The following SLC9A8 variants were observed in gnomAD, a reference collection of about 807,000 sequenced individuals.
SLC9A8 encodes the protein solute carrier family 9 member A8, also known as sodium/hydrogen exchanger 8.
SLC9A8 carries 48 observed loss-of-function variants against 66.6 expected under a neutral mutation model. The ratio of observed to expected loss-of-function variants is 0.72; its 90% confidence interval spans 0.57 to 0.92. The LOEUF is 0.92. SLC9A8 is among the 40% of genes least tolerant of loss of function. The pLI is 0.00. For synonymous variants in SLC9A8, 274 were observed against 282.6 expected, an observed-to-expected ratio of 0.97 and a Z score of 0.31; for missense variants, 599 against 747.3, an observed-to-expected ratio of 0.80 and a Z score of 2.31.
intron 10 of SLC9A8, among the ~76,000 whole-genome samples, chr20:49,865,156 G>A (rs902587764): frequency 6.6e-6 from 1 of 152,290 alleles, no homozygotes; most frequent in East Asian, 1.9e-4. Flanking sequence ...TACTGTGAAG[G>A]TCCCTGTTTT....
At chr20:49,868,785 C>T (rs138599424) in intron 10 of SLC9A8, among the ~76,000 whole-genome samples, 25 of 152,226 alleles carry the variant, frequency 1.6e-4, no homozygotes, top group African/African-American at 5.3e-4. Flanking sequence ...GAGTGGGGAG[C>T]GATGCAAGTG....
intron 15 of SLC9A8, 33 bp from the exon 16 acceptor site, chr20:49,887,789 CCCTGACG>C (rs1432754570): frequency 6.7e-7 from 1 of 1,495,116 alleles, no homozygotes; most frequent in Admixed American, 1.9e-5. Flanking sequence ...ATGGCCCTGC[CCCTGACG>C]CCCTGACGGC....
intron 7 of SLC9A8, among the ~76,000 whole-genome samples, chr20:49,851,244 C>T (rs755266824): frequency 6.6e-6 from 1 of 152,192 alleles, no homozygotes; most frequent in Non-Finnish European, 1.5e-5. Context: ...AAACTTTCCT[C>T]TGGGATTCCC....
Position 49,834,333 on chromosome 20 carries a change from G to GTA in SLC9A8, c.290-5195_290-5194dup, listed in dbSNP as rs1229882653. On this transcript the variant is annotated intron_variant, in intron 3 of 15. Transcript: ENST00000361573. The stretch of plus-strand genomic sequence containing the variant: ...CAGTGTGTATATATATATATACTGT[G>GTA]TATATATATATATACTGTATATATA... Among the ~76,000 whole-genome samples the GTA allele has an allele frequency of 4.0e-4, 32 of 80,308 alleles. 1 individual carries two copies. The East Asian group carries it at 5.3e-3, about 13-fold the overall frequency. The allele number at this position is 80,308 out of a possible 152,430, so 52.7% of individuals were successfully genotyped here. A position where few individuals can be genotyped will look rare whatever the true frequency, so the allele number is the denominator to read the frequency against.
chr20:49,874,982 T>C (rs2089368579), intron 11 of SLC9A8, among the ~76,000 whole-genome samples, 161 bp downstream of exon 11: 1 of 152,170 alleles, frequency 6.6e-6, no homozygotes, highest in South Asian at 2.1e-4. Context: ...TCCTCTGGCT[T>C]TGAAATTTCA....
chr20:49,892,042 C>A lies in SLC9A8; in HGVS notation c.*4106C>A, dbSNP rs1420282983. The A allele has an allele frequency of 2.0e-5, 3 of 151,408 alleles. No homozygotes were observed. The highest frequency in any genetic ancestry group is 4.4e-5 in the Non-Finnish European group (3 of 67,880). The allele number at this position is 151,408 out of a possible 1,614,324, so 9.4% of individuals were successfully genotyped here. A position where few individuals can be genotyped will look rare whatever the true frequency, so the allele number is the denominator to read the frequency against. On this transcript the variant is annotated 3_prime_UTR_variant, in exon 16 of 16. Coordinates refer to ENST00000361573, the MANE Select transcript of SLC9A8 (RefSeq NM_015266.3). ...AGAGGCCCCTGTTAGGCCCCTGTTTCCTGAGCAGTGATGTGCTGCTCTTCT... is the reference window on the plus strand; with the variant it reads ...AGAGGCCCCTGTTAGGCCCCTGTTTACTGAGCAGTGATGTGCTGCTCTTCT...
Position 49,888,493 on chromosome 20 carries a change from G to A in SLC9A8, c.*557G>A, listed in dbSNP as rs574583655. ...TTCCTGTGCTCCCTCAGAGAGAAAC[G>A]GAGTGACCTTTTGTCCTTTACCTGA... On this transcript the variant is annotated 3_prime_UTR_variant, in exon 16 of 16. Transcript: ENST00000361573. 3.1e-5 allele frequency: 5 copies of A among 159,234 alleles called. No homozygotes were observed. The highest frequency in any genetic ancestry group is 3.4e-4 in the South Asian group (2 of 5,812). 9.9% of individuals were successfully genotyped at this position (159,234 alleles called of 1,614,324 possible). A position where few individuals can be genotyped will look rare whatever the true frequency, so the allele number is the denominator to read the frequency against.
rs754709710 is a variant in SLC9A8 at position 49,887,823 on chromosome 20, A to G, written c.1639-6A>G. ...CCTGACGGCTTGGTTGTGTCTCTCG[A>G]CCCAGGACCTGCACCACGGGCGCAT... is the stretch of plus-strand genomic sequence containing the variant. On this transcript the variant is annotated splice_region_variant and splice_polypyrimidine_tract_variant and intron_variant, in intron 15 of 15. Transcript: ENST00000361573. 6.3e-7 allele frequency: 1 copy of G among 1,595,484 alleles called. No homozygotes were observed. Among genetic ancestry groups the G allele is most frequent in the East Asian group, 2.3e-5 (1 of 44,382 alleles).
intron 10 of SLC9A8, among the ~76,000 whole-genome samples, chr20:49,867,838 C>T (rs912060833): frequency 5.3e-5 from 8 of 152,242 alleles, no homozygotes; most frequent in Admixed American, 2.0e-4. Context: ...AGACGCAAAG[C>T]TGAAGGCCCA....
At chr20:49,823,275 C>G (rs2086806992) in intron 3 of SLC9A8, 134 bp downstream of exon 3, 3 of 738,624 alleles carry the variant, frequency 4.1e-6, no homozygotes, top group Non-Finnish European at 7.2e-6. Flanking sequence ...GCAACCTGCC[C>G]TAAGGGTGCT....
chr20:49,844,887 T>C (rs779684418), intron 4 of SLC9A8, 149 bp from the exon 5 acceptor site: 17 of 408,138 alleles, frequency 4.2e-5, no homozygotes, highest in Non-Finnish European at 5.7e-5. Flanking sequence ...CTCATTCTGC[T>C]TGATTTTATT....
At position 49,891,884 on chromosome 20, in the gene SLC9A8, G is replaced by A. The variant is rs1043111043; in HGVS notation, c.*3948G>A. ...TCCTCAAAATGACGAAGCTTGAATTGTCCTCAAGATGGATGTGAATCTTAC... is the reference window on the plus strand; with the variant it reads ...TCCTCAAAATGACGAAGCTTGAATTATCCTCAAGATGGATGTGAATCTTAC... On this transcript the variant is annotated 3_prime_UTR_variant, in exon 16 of 16. Transcript: ENST00000361573. 6.6e-6 allele frequency: 1 copy of A among 152,262 alleles called. No individual in the cohort carries two copies. Among genetic ancestry groups the A allele is most frequent in the Non-Finnish European group, 1.5e-5 (1 of 68,050 alleles). The allele number at this position is 152,262 out of a possible 1,614,324, so 9.4% of individuals were successfully genotyped here.
intron 11 of SLC9A8, among the ~76,000 whole-genome samples, chr20:49,875,818 T>C (rs2089405416): frequency 6.6e-6 from 1 of 151,914 alleles, no homozygotes; most frequent in Non-Finnish European, 1.5e-5. Context: ...CACTGCAAGC[T>C]CCGCCTCCCG....
chr20:49,854,068 C>T (rs2088363152), intron 7 of SLC9A8, among the ~76,000 whole-genome samples: 1 of 152,226 alleles, frequency 6.6e-6, no homozygotes. Context: ...GCAGTCGTCT[C>T]TGGCTGATGA....
chr20:49,836,489 G>A (rs550335933), intron 3 of SLC9A8, among the ~76,000 whole-genome samples: 8 of 152,008 alleles, frequency 5.3e-5, no homozygotes, highest in East Asian at 3.9e-4. Context: ...ACCACCATGC[G>A]CAGATAATTT....
intron 12 of SLC9A8, 66 bp downstream of exon 12, chr20:49,878,129 G>T: frequency 1.0e-6 from 1 of 973,654 alleles, no homozygotes; most frequent in African/African-American, 1.7e-5. Context: ...CACATGTTCC[G>T]GATTCATTTA....
intron 13 of SLC9A8, among the ~76,000 whole-genome samples, chr20:49,881,279 G>C (rs2089618002): frequency 6.6e-6 from 1 of 152,178 alleles, no homozygotes; most frequent in African/African-American, 2.4e-5. Context: ...GGCAGAGCCG[G>C]GATTTCTGCC....
intron 10 of SLC9A8, among the ~76,000 whole-genome samples, chr20:49,872,550 A>G (rs1253033207): frequency 1.3e-5 from 2 of 151,400 alleles, no homozygotes; most frequent in South Asian, 2.1e-4. Context: ...CAGTGCCGCA[A>G]TCTCGGCTCA....
intron 2 of SLC9A8, among the ~76,000 whole-genome samples, chr20:49,817,049 C>A (rs971287383): frequency 6.7e-6 from 1 of 149,044 alleles, no homozygotes; most frequent in Non-Finnish European, 1.5e-5. Context: ...CTTGTTTGGC[C>A]GGGCGCCGTG....
Sources: allele counts gnomAD v4.1 joint callset (sites outside exome capture counted in the v4.1 genomes callset), GRCh38; gene constraint gnomAD v4.1.1; transcripts MANE v1.5; gene names NCBI Gene and HGNC (gene_info 2026-07-23, HGNC 2026-07-21).